Variants in TCF7L2 observed in about 807,000 individuals in gnomAD.
TCF7L2 encodes transcription factor 7-like 2.
TCF7L2 carries 23 observed loss-of-function variants against 77.9 expected under a neutral mutation model. The ratio of observed to expected loss-of-function variants is 0.30; its 90% CI spans 0.21 to 0.42. The LOEUF is 0.42. Ranked by LOEUF, TCF7L2 falls within the 10% of genes least tolerant of loss-of-function variation. TCF7L2 has a pLI of 1.00. For missense variants in TCF7L2, 654 were observed against 793.1 expected, an observed-to-expected ratio of 0.82 and a Z score of 2.11; for synonymous variants, 413 against 340.2, an observed-to-expected ratio of 1.21 and a Z score of -2.36.
At chr10:113,138,611 A>G (rs2067803072) in intron 5 of TCF7L2, among the ~76,000 whole-genome samples, 1 of 152,204 alleles carries the variant, frequency 6.6e-6, no homozygotes, top group African/African-American at 2.4e-5. Flanking sequence ...CAATAAAAAT[A>G]ATATTAATAA....
At chr10:112,961,845 G>A (rs1466201826) in intron 3 of TCF7L2, among the ~76,000 whole-genome samples, 1 of 151,652 alleles carries the variant, frequency 6.6e-6, no homozygotes, top group Non-Finnish European at 1.5e-5. Flanking sequence ...TGGGGTGGGG[G>A]GCATTAGAAG....
chr10:113,116,812 A>T (rs2136194086), intron 5 of TCF7L2, among the ~76,000 whole-genome samples: 1 of 152,312 alleles, frequency 6.6e-6, no homozygotes, highest in East Asian at 1.9e-4. Context: ...TTGAAAGCTA[A>T]TGTTCCTAAC....
intron 5 of TCF7L2, among the ~76,000 whole-genome samples, chr10:113,047,287 C>T (rs990672139): frequency 1.3e-5 from 2 of 152,120 alleles, no homozygotes; most frequent in Non-Finnish European, 1.5e-5. Flanking sequence ...TTTATAACTA[C>T]GAGCAGTATG....
chr10:113,136,506 A>G (rs2067421852), intron 5 of TCF7L2, among the ~76,000 whole-genome samples: 1 of 152,192 alleles, frequency 6.6e-6, no homozygotes, highest in African/African-American at 2.4e-5. Flanking sequence ...GGCTCTTCAC[A>G]CAGCTCTCCT....
chr10:112,957,411 G>T (rs2033951629), intron 3 of TCF7L2, among the ~76,000 whole-genome samples: 1 of 151,772 alleles, frequency 6.6e-6, no homozygotes. Flanking sequence ...TTGACTAAAA[G>T]AATATAATAG....
intron 5 of TCF7L2, among the ~76,000 whole-genome samples, chr10:113,126,481 C>A (rs574025484): frequency 1.3e-5 from 2 of 152,010 alleles, no homozygotes; most frequent in Admixed American, 1.3e-4. Context: ...TTTGCTAAGT[C>A]GGCAAACAAA....
intron 5 of TCF7L2, among the ~76,000 whole-genome samples, chr10:113,118,666 TTTTTTTTTTTTG>T (rs2064263419): frequency 0.013 from 73 of 5,536 alleles, no homozygotes; most frequent in Non-Finnish European, 0.017. Context: ...TTTTTTTTGT[TTTTTTTTTTTTG>T]TTTTTTTTAT....
intron 3 of TCF7L2, among the ~76,000 whole-genome samples, chr10:112,960,478 T>C (rs894883047): frequency 2.6e-5 from 4 of 152,108 alleles, no homozygotes; most frequent in African/African-American, 9.7e-5. Context: ...TGTTGAGAGC[T>C]TCATGGGAAG....
At chr10:113,108,973 A>G (rs937593201) in intron 5 of TCF7L2, among the ~76,000 whole-genome samples, 1 of 152,224 alleles carries the variant, frequency 6.6e-6, no homozygotes. Flanking sequence ...CAGATAGGCT[A>G]TTGAGGGTTT....
chr10:113,053,960 C>A (rs1053024758), intron 5 of TCF7L2, among the ~76,000 whole-genome samples: 1 of 152,194 alleles, frequency 6.6e-6, no homozygotes, highest in East Asian at 1.9e-4. Flanking sequence ...GACTCTCACC[C>A]TTCAGTGTTA....
chr10:112,967,390 T>C (rs1393004549), intron 4 of TCF7L2, among the ~76,000 whole-genome samples: 2 of 152,168 alleles, frequency 1.3e-5, no homozygotes, highest in African/African-American at 4.8e-5. Context: ...TCTTTTCCCT[T>C]CCCATCCCTC....
chr10:113,002,831 G>A (rs1022150748), intron 4 of TCF7L2, among the ~76,000 whole-genome samples: 2 of 152,128 alleles, frequency 1.3e-5, no homozygotes, highest in Non-Finnish European at 2.9e-5. Flanking sequence ...ACTTTTTCTT[G>A]GAGGAGGATG....
chr10:113,042,705 C>T (rs1238801707), intron 5 of TCF7L2, among the ~76,000 whole-genome samples: 1 of 152,082 alleles, frequency 6.6e-6, no homozygotes, highest in African/African-American at 2.4e-5. Context: ...CACCTGGTCA[C>T]CTATAGTTTT....
chr10:113,160,698 T>TA lies in TCF7L2; in HGVS notation c.1391+8dup. 6.3e-7 allele frequency: 1 copy of TA among 1,586,162 alleles called. No homozygotes were observed. Among genetic ancestry groups the TA allele is most frequent in the East Asian group, 2.3e-5 (1 of 44,236 alleles). On this transcript the variant is annotated splice_region_variant and intron_variant, in intron 13 of 13. Transcript: ENST00000627217. Reference sequence around the variant, plus strand: ...TATGGTGCAAACCGTGCAGGTATATTACCACTGCGAGGCCTTTGGGAAAAT... The same window carrying TA: ...TATGGTGCAAACCGTGCAGGTATATTAACCACTGCGAGGCCTTTGGGAAAAT...
At chr10:113,157,419 A>G (rs1233119435) in intron 11 of TCF7L2, among the ~76,000 whole-genome samples, 1 of 152,154 alleles carries the variant, frequency 6.6e-6, no homozygotes, top group African/African-American at 2.4e-5. Flanking sequence ...CTCCCAGCCC[A>G]CTCAGCAGTT....
intron 4 of TCF7L2, among the ~76,000 whole-genome samples, chr10:113,003,916 A>T (rs749621077): frequency 1.3e-5 from 2 of 152,218 alleles, no homozygotes; most frequent in African/African-American, 4.8e-5. Flanking sequence ...GGGACCATAG[A>T]GGAGCACCTT....
chr10:113,152,146 G>T (rs2070880087), intron 10 of TCF7L2, among the ~76,000 whole-genome samples, 187 bp from the exon 11 acceptor site: 1 of 152,180 alleles, frequency 6.6e-6, no homozygotes, highest in African/African-American at 2.4e-5. Context: ...ATCAAGTTTT[G>T]TCTAAACATT....
intron 3 of TCF7L2, among the ~76,000 whole-genome samples, chr10:112,961,400 C>T (rs2035191728): frequency 6.6e-6 from 1 of 152,116 alleles, no homozygotes; most frequent in Non-Finnish European, 1.5e-5. Flanking sequence ...TTCCAAAGCA[C>T]ACAAATGGCC....
chr10:113,117,418 TC>T lies in TCF7L2; in HGVS notation c.553-23765del, dbSNP rs1564916431. On this transcript the variant is annotated intron_variant, in intron 5 of 13. Coordinates refer to ENST00000627217, the MANE Select transcript of TCF7L2 (RefSeq NM_001146274.2). ...CTCTCTCTCTCTCTCTCTCTCTCTC[TC>T]TCTCTCTCTCTCTCCCTCTCTCTCT... Among the ~76,000 whole-genome samples, 30 of 41,778 alleles carry T rather than the reference TC, an allele frequency of 7.2e-4. 2 individuals are homozygous for T. The highest frequency in any genetic ancestry group is 3.1e-3 in the African/African-American group (29 of 9,394). 27.4% of individuals were successfully genotyped at this position (41,778 alleles called of 152,430 possible).
Sources: allele counts gnomAD v4.1 joint callset (sites outside exome capture counted in the v4.1 genomes callset), GRCh38; gene constraint gnomAD v4.1.1; transcripts MANE v1.5; gene names NCBI Gene and HGNC (gene_info 2026-07-23, HGNC 2026-07-21).